KCNG2: variants seen among roughly 807,000 people sequenced by gnomAD.
KCNG2 encodes the protein potassium voltage-gated channel modifier subfamily G member 2.
In KCNG2, 7 loss-of-function variants were observed where a neutral mutation model predicts 12.3. The observed-to-expected ratio is 0.57, with a 90% CI of 0.32 to 1.07. The LOEUF (loss-of-function observed/expected upper bound fraction) is 1.07, where lower values mean the gene tolerates loss of function less well. Among genes scored for constraint, KCNG2 ranks in the 50% least tolerant of loss-of-function variants. The pLI is 0.04. For missense variants in KCNG2, 703 were observed against 726.0 expected, an observed-to-expected ratio of 0.97 and a Z score of 0.36; for synonymous variants, 414 against 351.4, an observed-to-expected ratio of 1.18 and a Z score of -1.99.
chr18:79,869,632 G>A (rs548779862), intron 3 of KCNG2, among the ~76,000 whole-genome samples: 3 of 152,266 alleles, frequency 2.0e-5, no homozygotes, highest in African/African-American at 4.8e-5. Flanking sequence ...GAGAAAATCC[G>A]TTCTATCCCA....
intron 1 of KCNG2, among the ~76,000 whole-genome samples, chr18:79,832,362 C>T (rs1420907569): frequency 2.7e-5 from 4 of 150,190 alleles, no homozygotes; most frequent in Non-Finnish European, 6.0e-5. Context: ...CTCACCTGTC[C>T]ATCCTCACCT....
intron 3 of KCNG2, among the ~76,000 whole-genome samples, chr18:79,897,398 C>G (rs1981017763): frequency 6.6e-6 from 1 of 152,160 alleles, no homozygotes; most frequent in Admixed American, 6.5e-5. Context: ...TTGCACTTTT[C>G]AATTCCAGAA....
intron 3 of KCNG2, among the ~76,000 whole-genome samples, chr18:79,867,815 G>A (rs62103189): frequency 0.11 from 16,052 of 152,162 alleles, 993 homozygotes; most frequent in Middle Eastern, 0.17. Context: ...CCTGGACTGC[G>A]TGGAGACCCC....
chr18:79,868,769 C>G (rs62103191), intron 3 of KCNG2, among the ~76,000 whole-genome samples: 16,054 of 152,232 alleles, frequency 0.11, 992 homozygotes, highest in Middle Eastern at 0.17. Context: ...CCAGACAGTG[C>G]AAGTCCCAGC....
rs1026159820 is a variant in KCNG2, at chr18:79,899,991, C to T, written c.*175C>T. On this transcript the variant is annotated 3_prime_UTR_variant, in exon 4 of 4. Coordinates refer to ENST00000316249, the MANE Select transcript of KCNG2 (RefSeq NM_012283.2). ...CTTGGCGGGGCCCTGCCTGACTCCC[C>T]GTGGCAGCGCTGGGCAAAGTCACTG... 3.4e-5 allele frequency: 16 copies of T among 472,584 alleles called. No individual in the cohort carries two copies. Among genetic ancestry groups the T allele is most frequent in the South Asian group, 9.8e-5 (1 of 10,232 alleles). The allele number at this position is 472,584 out of a possible 1,614,324, so 29.3% of individuals were successfully genotyped here.
chr18:79,833,161 T>G (rs1350082561), intron 1 of KCNG2, among the ~76,000 whole-genome samples: 1 of 152,132 alleles, frequency 6.6e-6, no homozygotes, highest in African/African-American at 2.4e-5. Flanking sequence ...TTTGAGATGG[T>G]GTCTCACTCT....
chr18:79,810,038 C>T (rs773312327), intron 1 of KCNG2, among the ~76,000 whole-genome samples: 5 of 152,206 alleles, frequency 3.3e-5, no homozygotes, highest in Admixed American at 1.3e-4. Context: ...CCGCCCATTG[C>T]GCTGGGCCTG....
At chr18:79,823,989 A>C (rs890226691) in intron 1 of KCNG2, among the ~76,000 whole-genome samples, 17 of 152,170 alleles carry the variant, frequency 1.1e-4, no homozygotes, top group Middle Eastern at 3.4e-3. Context: ...CTGTAAATGG[A>C]CTTTTTCTTT....
At chr18:79,896,551 A>G (rs1980983391) in intron 3 of KCNG2, among the ~76,000 whole-genome samples, 1 of 152,224 alleles carries the variant, frequency 6.6e-6, no homozygotes, top group Non-Finnish European at 1.5e-5. Flanking sequence ...CATTGCACAT[A>G]TATTACATTT....
At chr18:79,798,478 G>A (rs913291125) in intron 1 of KCNG2, among the ~76,000 whole-genome samples, 1 of 152,192 alleles carries the variant, frequency 6.6e-6, no homozygotes. Flanking sequence ...GGCGCACCCG[G>A]CTCGCGCGGA....
intron 1 of KCNG2, among the ~76,000 whole-genome samples, chr18:79,841,190 G>A (rs1438093681): frequency 6.6e-6 from 1 of 152,166 alleles, no homozygotes; most frequent in East Asian, 1.9e-4. Context: ...AAGATTGCTT[G>A]AGCCTGGGAG....
At chr18:79,826,513 G>C (rs1290203677) in intron 1 of KCNG2, among the ~76,000 whole-genome samples, 1 of 148,664 alleles carries the variant, frequency 6.7e-6, no homozygotes, top group African/African-American at 2.5e-5. Context: ...GGTTAGATTC[G>C]GCGCGTTACG....
chr18:79,860,894 C>G (rs1051816429), intron 2 of KCNG2, among the ~76,000 whole-genome samples: 1 of 152,142 alleles, frequency 6.6e-6, no homozygotes, highest in Non-Finnish European at 1.5e-5. Context: ...TGTTCCTGGT[C>G]TTAGGGGAAA....
chr18:79,851,817 T>C (rs1244073740), intron 1 of KCNG2, among the ~76,000 whole-genome samples: 2 of 152,062 alleles, frequency 1.3e-5, no homozygotes, highest in Non-Finnish European at 2.9e-5. Flanking sequence ...TGAATGTGCA[T>C]GTGAATGGGT....
chr18:79,896,411 A>G (rs1483827652), intron 3 of KCNG2, among the ~76,000 whole-genome samples: 1 of 151,988 alleles, frequency 6.6e-6, no homozygotes, highest in Admixed American at 6.6e-5. Context: ...AGCTGTATTC[A>G]CTTTTCTCCC....
chr18:79,871,377 G>A (rs4073599), intron 3 of KCNG2, among the ~76,000 whole-genome samples: 119,940 of 152,210 alleles, frequency 0.79, 51,866 homozygotes, highest in Non-Finnish European at 0.95. Flanking sequence ...TGTCCCTACA[G>A]CCGCAGGCAG....
At chr18:79,882,906 T>C (rs1980371940) in intron 3 of KCNG2, among the ~76,000 whole-genome samples, 1 of 151,436 alleles carries the variant, frequency 6.6e-6, no homozygotes, top group Admixed American at 6.6e-5. Flanking sequence ...CATCTGCGCG[T>C]GGCACGCGGA....
At position 79,897,580 on chromosome 18, in the gene KCNG2, C is replaced by T. The variant is rs1043429021; in HGVS notation, c.625-1460C>T. On this transcript the variant is annotated intron_variant, in intron 3 of 3. Coordinates refer to ENST00000316249, the MANE Select transcript of KCNG2 (RefSeq NM_012283.2). ...CTCTCACAGCAGTTTTTGTTGCTTT[C>T]TTCCTAATGTATGAGTCATACTTTC... 3.3e-5 allele frequency among the ~76,000 whole-genome samples: 5 copies of T among 152,204 alleles called. No individual in the cohort carries two copies. In the East Asian group the frequency reaches 7.7e-4, roughly 23 times the overall value.
intron 2 of KCNG2, among the ~76,000 whole-genome samples, chr18:79,861,084 T>A (rs1979199433): frequency 6.6e-6 from 1 of 152,182 alleles, no homozygotes; most frequent in African/African-American, 2.4e-5. Context: ...ATCGCATGAT[T>A]TTTCCCTTCA....
Sources: gnomAD v4.1 joint callset for allele counts (sites outside exome capture counted in the v4.1 genomes callset) on GRCh38, gnomAD v4.1.1 for gene constraint, MANE v1.5 for transcripts, NCBI Gene and HGNC (gene_info 2026-07-23, HGNC 2026-07-21) for gene names.